Variants in EPRS1 observed in about 807,000 individuals in gnomAD.
EPRS1 encodes glutamyl-prolyl-tRNA synthetase 1.
In EPRS1, 107 loss-of-function variants were observed where a neutral mutation model predicts 188.3. That is an observed-to-expected ratio of 0.57 (90% CI 0.49 to 0.67). The LOEUF is 0.67. EPRS1 is among the 30% of genes least tolerant of loss of function. The pLI is 0.00. For synonymous variants in EPRS1, 596 were observed against 593.1 expected (o/e 1.00, Z -0.07); for missense variants, 1,577 against 1,802.2 (o/e 0.88, Z 2.26).
At position 220,007,784 on chromosome 1, in the gene EPRS1, G is replaced by A. The variant is rs867638463; in HGVS notation, c.1606-446C>T. Among the ~76,000 whole-genome samples, 72 of 152,208 alleles carry A rather than the reference G, an allele frequency of 4.7e-4. No individual in the cohort carries two copies. In the Middle Eastern group the frequency reaches 0.01, roughly 22 times the overall value. ...CCTATCCTTAGAATCCCACTGCTTC[G>A]CCGGGCATGGTGGCTCACACCTGTA... On this transcript the variant is annotated intron_variant, in intron 13 of 31. Transcript: ENST00000366923.
chr1:219,979,514 G>A lies in EPRS1; in HGVS notation c.3813C>T (p.Asn1271=), dbSNP rs1660851338. Residue 1271 remains asparagine (N), a synonymous_variant, in exon 27 of 32, where the codon AAC becomes AAT. Transcript: ENST00000366923. ...TAGTTCGAGTTGTCAGGCCCCAGGA[G>A]TTTTGATAGGCAAATTGCTTCTCTC... ...IPGEKQFAYQ[N]SWGLTTRTIG... The A allele has an allele frequency of 6.2e-7, 1 of 1,613,892 alleles. No individual in the cohort carries two copies. The highest frequency in any genetic ancestry group is 1.7e-5 in the Admixed American group (1 of 60,002).
At chr1:220,018,343 T>C (rs1661780663) in intron 12 of EPRS1, 106 bp downstream of exon 12, 2 of 1,043,020 alleles carry the variant, frequency 1.9e-6, no homozygotes, top group Non-Finnish European at 3.0e-6. Flanking sequence ...AAAATGTTAA[T>C]ATTCTTCACA....
intron 12 of EPRS1, among the ~76,000 whole-genome samples, 182 bp from the exon 13 acceptor site, chr1:220,011,238 C>G (rs1178983476): frequency 6.6e-6 from 1 of 152,082 alleles, no homozygotes; most frequent in East Asian, 1.9e-4. Flanking sequence ...CAACTGTAAA[C>G]CAAGACTACA....
intron 20 of EPRS1, among the ~76,000 whole-genome samples, chr1:219,986,755 T>A (rs1446080940): frequency 6.6e-6 from 1 of 151,308 alleles, no homozygotes; most frequent in African/African-American, 2.4e-5. Context: ...CTACCAATCA[T>A]GTTTAAAAAG....
intron 2 of EPRS1, among the ~76,000 whole-genome samples, chr1:220,037,449 G>C (rs577100345): frequency 6.8e-6 from 1 of 147,950 alleles, no homozygotes; most frequent in Non-Finnish European, 1.5e-5. Flanking sequence ...AGGTTGCAGT[G>C]AGCCTGGATT....
At chr1:220,043,522 A>G (rs150817061) in intron 1 of EPRS1, among the ~76,000 whole-genome samples, 1 of 152,324 alleles carries the variant, frequency 6.6e-6, no homozygotes, top group African/African-American at 2.4e-5. Context: ...ATCAATGGAT[A>G]CTGAAACTAG....
In EPRS1 at chr1:220,046,440, T is replaced by A. The variant is rs1192191725; in HGVS notation, c.-52A>T. The A allele has an allele frequency of 3.1e-6, 5 of 1,609,970 alleles. No individual in the cohort carries two copies. The East Asian group carries it at 6.7e-5, about 22-fold the overall frequency. On this transcript the variant is annotated 5_prime_UTR_variant, in exon 1 of 32. Transcript: ENST00000366923. ...CAGTACGCCTGGCTCGTGCCAGAAC[T>A]ACGGAGGACCCCGCGAAAGGAAGAA... is the stretch of plus-strand genomic sequence containing the variant.
chr1:220,009,474 T>C (rs1198151286), intron 13 of EPRS1, among the ~76,000 whole-genome samples: 1 of 151,956 alleles, frequency 6.6e-6, no homozygotes, highest in Non-Finnish European at 1.5e-5. Flanking sequence ...GGTGAAACCC[T>C]GCCTCTATAA....
chr1:219,991,121 A>AT (rs909431421), intron 18 of EPRS1, among the ~76,000 whole-genome samples: 36 of 150,894 alleles, frequency 2.4e-4, no homozygotes, highest in Non-Finnish European at 2.4e-4. Flanking sequence ...AAAATGGACA[A>AT]TTTTTTTTTA....
At chr1:219,980,319 G>A in intron 25 of EPRS1, 79 bp from the exon 26 acceptor site, 1 of 1,082,352 alleles carries the variant, frequency 9.2e-7, no homozygotes, top group Non-Finnish European at 1.3e-6. Context: ...CACTACTTAA[G>A]ACTAATTGTG....
intron 18 of EPRS1, among the ~76,000 whole-genome samples, chr1:219,990,621 G>A (rs1000667070): frequency 1.3e-5 from 2 of 152,062 alleles, no homozygotes; most frequent in South Asian, 2.1e-4. Context: ...TGACCACTAC[G>A]GTTTGCTAAG....
intron 10 of EPRS1, 139 bp from the exon 11 acceptor site, chr1:220,019,218 A>AT: frequency 4.8e-6 from 3 of 621,798 alleles, no homozygotes; most frequent in Non-Finnish European, 8.5e-6. Context: ...ATTAGGTAGT[A>AT]TGCAATACTA....
At chr1:220,011,290 G>A (rs1223734435) in intron 12 of EPRS1, among the ~76,000 whole-genome samples, 3 of 152,106 alleles carry the variant, frequency 2.0e-5, no homozygotes, top group Non-Finnish European at 4.4e-5. Flanking sequence ...CTACTGGCAG[G>A]TGAAAAGAAA....
In EPRS1 at chr1:219,981,367, T is replaced by C. The variant is rs1368766564; in HGVS notation, c.3453+11A>G. ...AATAATAATAGAATACAAGAGGGGG[T>C]GAATACCTACCACCACATTGCACCA... On this transcript the variant is annotated intron_variant, in intron 24 of 31. Coordinates refer to ENST00000366923, the MANE Select transcript of EPRS1 (RefSeq NM_004446.3). 2 of 1,562,830 alleles carry C rather than the reference T, an allele frequency of 1.3e-6. No individual in the cohort carries two copies. The highest frequency in any genetic ancestry group is 1.7e-6 in the Non-Finnish European group (2 of 1,148,482).
intron 14 of EPRS1, 87 bp from the exon 15 acceptor site, chr1:220,006,400 T>A: frequency 2.7e-6 from 1 of 376,060 alleles, no homozygotes; most frequent in Non-Finnish European, 4.4e-6. Flanking sequence ...TTTTATATTA[T>A]TATAAAATAA....
chr1:219,979,393 TG>T (rs1465968456), intron 27 of EPRS1, 24 bp downstream of exon 27: 1 of 1,534,656 alleles, frequency 6.5e-7, no homozygotes, highest in Non-Finnish European at 9.0e-7. Context: ...ATAAAATGAG[TG>T]ATAAACAGGA....
At chr1:219,978,022 G>A (rs543162374) in intron 28 of EPRS1, among the ~76,000 whole-genome samples, 1 of 152,254 alleles carries the variant, frequency 6.6e-6, no homozygotes, top group Admixed American at 6.5e-5. Context: ...ATGACAATGT[G>A]CAATACATGA....
chr1:220,013,609 G>A (rs1004977726), intron 12 of EPRS1, among the ~76,000 whole-genome samples: 4 of 151,978 alleles, frequency 2.6e-5, no homozygotes, highest in East Asian at 1.9e-4. Flanking sequence ...ACAACTCCAC[G>A]GCGCTAAATT....
Position 220,016,798 on chromosome 1 carries a change from C to T in EPRS1, c.1494+1651G>A, listed in dbSNP as rs971638824. 3.4e-5 allele frequency among the ~76,000 whole-genome samples: 5 copies of T among 147,374 alleles called. 1 individual carries two copies. Among genetic ancestry groups the T allele is most frequent in the Non-Finnish European group, 7.4e-5 (5 of 67,188 alleles). On this transcript the variant is annotated intron_variant, in intron 12 of 31. Transcript: ENST00000366923. Reference sequence around the variant, plus strand: ...AGAGACAAAGCAAGACAATCAACTACAAGCAAACCAAAAAGTTAGGAGAAA... The same window carrying T: ...AGAGACAAAGCAAGACAATCAACTATAAGCAAACCAAAAAGTTAGGAGAAA...
Sources: allele counts gnomAD v4.1 joint callset (sites outside exome capture counted in the v4.1 genomes callset), GRCh38; gene constraint gnomAD v4.1.1; transcripts MANE v1.5; gene names NCBI Gene and HGNC (gene_info 2026-07-23, HGNC 2026-07-21).